Variants in TEX11 observed in about 807,000 individuals in gnomAD.
TEX11 encodes the protein testis expressed 11.
In TEX11, 7 loss-of-function variants were observed where a neutral mutation model predicts 84.4. The observed-to-expected ratio is 0.08, with a 90% CI of 0.05 to 0.16. The LOEUF (loss-of-function observed/expected upper bound fraction) is 0.16. Ranked by LOEUF, TEX11 falls within the 10% of genes least tolerant of loss-of-function variation. The pLI, the probability that TEX11 is intolerant of heterozygous loss-of-function variation, is 1.00. For missense variants in TEX11, 551 were observed against 660.5 expected (o/e 0.83, Z 1.82); for synonymous variants, 264 against 222.8 (o/e 1.18, Z -1.64).
intron 25 of TEX11, among the ~76,000 whole-genome samples, chrX:70,580,997 T>G (rs757837827): frequency 9.0e-6 from 1 of 111,531 alleles, no homozygotes; most frequent in Admixed American, 9.6e-5. Context: ...TTTGTTTTTG[T>G]TTTTGTTTTG....
At chrX:70,805,149 T>C (rs1196995709) in intron 9 of TEX11, among the ~76,000 whole-genome samples, 1 of 110,130 alleles carries the variant, frequency 9.1e-6, no homozygotes, top group Non-Finnish European at 1.9e-5. Context: ...GTTTGATCAA[T>C]CTTTGGGCTT....
At chrX:70,514,463 C>T in the TEX11 span, among the ~76,000 whole-genome samples, 6 of 109,352 alleles carry the variant, frequency 5.5e-5, no homozygotes, top group East Asian at 5.8e-4. Context: ...GGCGTGGTGG[C>T]GGGTGCCTGT....
the TEX11 span, among the ~76,000 whole-genome samples, chrX:70,516,737 T>G: frequency 1.8e-5 from 2 of 110,736 alleles, no homozygotes; most frequent in Non-Finnish European, 3.8e-5. Context: ...ATGATATTGA[T>G]TCTTCCTACC....
At chrX:70,904,571 A>G (rs2091819926) in intron 2 of TEX11, among the ~76,000 whole-genome samples, 1 of 112,376 alleles carries the variant, frequency 8.9e-6, no homozygotes, top group African/African-American at 3.2e-5. Flanking sequence ...AGTTTGAATT[A>G]AGACCATTTT....
intron 7 of TEX11, among the ~76,000 whole-genome samples, chrX:70,852,345 G>A (rs1481823101): frequency 9.0e-6 from 1 of 111,067 alleles, no homozygotes; most frequent in African/African-American, 3.3e-5. Context: ...ACCAAGCCTG[G>A]CTAATTTTTC....
chrX:70,895,597 C>T (rs2091762296), intron 2 of TEX11, among the ~76,000 whole-genome samples: 2 of 111,949 alleles, frequency 1.8e-5, no homozygotes, highest in Non-Finnish European at 3.8e-5. Context: ...AAGCTGGAGG[C>T]ATCACGCTGT....
At chrX:70,823,033 G>T (rs1424304126) in intron 8 of TEX11, among the ~76,000 whole-genome samples, 1 of 106,782 alleles carries the variant, frequency 9.4e-6, no homozygotes, top group African/African-American at 3.4e-5. Context: ...GGTGGGGGGC[G>T]GGTGGCGTCA....
chrX:70,529,730 T>A (rs2087859364), intron 29 of TEX11, 105 bp downstream of exon 29: 1 of 836,933 alleles, frequency 1.2e-6, no homozygotes, highest in Admixed American at 4.0e-5. Flanking sequence ...ATGAGCAAGA[T>A]CCTTTCCTAG....
At chrX:70,582,085 T>A (rs993620223) in intron 25 of TEX11, among the ~76,000 whole-genome samples, 4 of 111,897 alleles carry the variant, frequency 3.6e-5, no homozygotes, top group African/African-American at 9.7e-5. Flanking sequence ...TGATTTGAGA[T>A]GAATCTGTTG....
chrX:70,517,035 G>A, the TEX11 span, among the ~76,000 whole-genome samples: 313 of 111,681 alleles, frequency 2.8e-3, 3 homozygotes, highest in African/African-American at 9.5e-3. Flanking sequence ...AGATGATGGG[G>A]TTTTCTAAAT....
intron 13 of TEX11, among the ~76,000 whole-genome samples, chrX:70,715,776 C>T (rs185181897): frequency 8.9e-6 from 1 of 111,818 alleles, no homozygotes; most frequent in Non-Finnish European, 1.9e-5. Flanking sequence ...CGTCTGAAGC[C>T]TTCTTCTCTC....
chrX:70,635,811 C>T (rs2089565141), intron 17 of TEX11, among the ~76,000 whole-genome samples: 1 of 110,831 alleles, frequency 9.0e-6, no homozygotes, highest in Admixed American at 9.5e-5. Flanking sequence ...CCCAGGTTTT[C>T]AGACCACCTC....
chrX:70,833,081 C>T (rs973210649), intron 8 of TEX11, among the ~76,000 whole-genome samples: 1 of 109,424 alleles, frequency 9.1e-6, no homozygotes, highest in Non-Finnish European at 1.9e-5. Context: ...AGCAGCCTGC[C>T]CAACATAGCA....
intron 13 of TEX11, among the ~76,000 whole-genome samples, chrX:70,687,850 AAAAGAAAGAAAGG>A (rs1007722560): frequency 2.8e-5 from 3 of 108,228 alleles, no homozygotes; most frequent in Non-Finnish European, 5.7e-5. Context: ...TGTTTCAAAG[AAAAGAAAGAAAGG>A]AAAGAAAGGA....
intron 7 of TEX11, among the ~76,000 whole-genome samples, chrX:70,840,033 G>C (rs142319108): frequency 0.022 from 2,485 of 111,764 alleles, 74 homozygotes; most frequent in South Asian, 0.17. Context: ...GGGGAGAATG[G>C]AACCAAGTTG....
chrX:70,836,109 CA>C (rs35496948), intron 7 of TEX11, among the ~76,000 whole-genome samples: 10,258 of 73,808 alleles, frequency 0.14, 773 homozygotes, highest in East Asian at 0.35. Flanking sequence ...GACTCTGTCT[CA>C]AAAAAAAAAA....
intron 9 of TEX11, among the ~76,000 whole-genome samples, chrX:70,790,595 G>C (rs1222449860): frequency 8.9e-6 from 1 of 112,177 alleles, no homozygotes; most frequent in Non-Finnish European, 1.9e-5. Flanking sequence ...AGTAAAACAC[G>C]ACCCTGATGA....
chrX:70,529,235 T>C, intron 29 of TEX11, 48 bp from the exon 30 acceptor site: 1 of 1,042,037 alleles, frequency 9.6e-7, no homozygotes, highest in South Asian at 2.0e-5. Flanking sequence ...AAAAGAAATG[T>C]GGGAAAGCTT....
chrX:70,858,662 G>GA (rs1238372019), intron 5 of TEX11, among the ~76,000 whole-genome samples: 3 of 110,884 alleles, frequency 2.7e-5, no homozygotes, highest in Admixed American at 1.9e-4. Context: ...TTTACAAGCT[G>GA]AAAAAAAATA....
Sources: gnomAD v4.1 joint callset for allele counts (sites outside exome capture counted in the v4.1 genomes callset) on GRCh38, gnomAD v4.1.1 for gene constraint, MANE v1.5 for transcripts, NCBI Gene and HGNC (gene_info 2026-07-23, HGNC 2026-07-21) for gene names.